PCDHA3: variants seen among roughly 807,000 people sequenced by gnomAD.
PCDHA3 encodes the protein protocadherin alpha 3.
A neutral mutation model predicts 62.2 loss-of-function variants in PCDHA3; 41 were observed. The ratio of observed to expected loss-of-function variants is 0.66; its 90% CI spans 0.51 to 0.86. The LOEUF (loss-of-function observed/expected upper bound fraction) is 0.86, where lower values mean the gene tolerates loss of function less well. Among genes scored for constraint, PCDHA3 ranks in the 40% least tolerant of loss-of-function variants. The probability of loss-of-function intolerance (pLI) is 0.00; values close to 1 mark genes in which losing one functional copy is unlikely to be tolerated. For missense variants in PCDHA3, 1,304 were observed against 1,241.2 expected (o/e 1.05, Z -0.76); for synonymous variants, 640 against 555.4 (o/e 1.15, Z -2.14).
At chr5:140,954,406 G>A (rs556455987) in intron 1 of PCDHA3, among the ~76,000 whole-genome samples, 2 of 152,268 alleles carry the variant, frequency 1.3e-5, no homozygotes, top group East Asian at 3.9e-4. Flanking sequence ...CACCAACAGG[G>A]TAAAGGTGTT....
At chr5:140,958,868 A>G (rs2095446207) in intron 1 of PCDHA3, among the ~76,000 whole-genome samples, 2 of 152,108 alleles carry the variant, frequency 1.3e-5, no homozygotes, top group Non-Finnish European at 2.9e-5. Context: ...CTGGGTTTAT[A>G]AAAGAATTGA....
At chr5:140,836,475 G>C in intron 1 of PCDHA3, 1 of 1,613,846 alleles carries the variant, frequency 6.2e-7, no homozygotes, top group Non-Finnish European at 8.5e-7. Context: ...GGATGTCAAC[G>C]TGTACCTGAT....
At chr5:140,946,903 T>A (rs2094054259) in intron 1 of PCDHA3, among the ~76,000 whole-genome samples, 1 of 151,408 alleles carries the variant, frequency 6.6e-6, no homozygotes, top group African/African-American at 2.4e-5. Flanking sequence ...ATAGGAAGAA[T>A]AAGTTCTGGT....
chr5:140,924,921 T>A (rs1167960449), intron 1 of PCDHA3, among the ~76,000 whole-genome samples: 5 of 126,218 alleles, frequency 4.0e-5, no homozygotes, highest in African/African-American at 1.5e-4. Context: ...TAAAATAAAA[T>A]AAAATAAAAT....
chr5:140,984,458 C>T (rs1363789281), intron 3 of PCDHA3, among the ~76,000 whole-genome samples: 2 of 152,140 alleles, frequency 1.3e-5, no homozygotes, highest in African/African-American at 4.8e-5. Flanking sequence ...CTTACTGTCC[C>T]AGCCCCTCTT....
chr5:140,863,124 C>T (rs1554157805), intron 1 of PCDHA3: 1 of 594,982 alleles, frequency 1.7e-6, no homozygotes, highest in Non-Finnish European at 3.3e-6. Flanking sequence ...AAGCTACGCG[C>T]CACCGCCTGC....
At chr5:140,877,654 A>T in intron 1 of PCDHA3, 1 of 1,613,490 alleles carries the variant, frequency 6.2e-7, no homozygotes, top group South Asian at 1.1e-5. Flanking sequence ...AGCGCCGCCC[A>T]CCGTGAGCCG....
chr5:140,804,920 T>G, intron 1 of PCDHA3: 1 of 979,612 alleles, frequency 1.0e-6, no homozygotes, highest in South Asian at 2.3e-5. Flanking sequence ...TATTTCCTTT[T>G]TTGGCACTAT....
At chr5:140,836,568 G>A (rs2150264277) in intron 1 of PCDHA3, 2 of 1,613,778 alleles carry the variant, frequency 1.2e-6, no homozygotes, top group Non-Finnish European at 1.7e-6. Context: ...GCCGTCCTCT[G>A]AGGGCGCATG....
At chr5:140,895,968 G>A (rs190056652) in intron 1 of PCDHA3, among the ~76,000 whole-genome samples, 2 of 151,938 alleles carry the variant, frequency 1.3e-5, no homozygotes, top group African/African-American at 2.4e-5. Context: ...CTGTCACCAG[G>A]CCTAGCTAAT....
At chr5:140,850,038 G>C (rs2150464728) in intron 1 of PCDHA3, 1 of 1,596,736 alleles carries the variant, frequency 6.3e-7, no homozygotes, top group East Asian at 2.2e-5. Flanking sequence ...CGCGGAGAGC[G>C]GCAAGGTGTA....
chr5:140,870,521 T>A (rs782364094), intron 1 of PCDHA3: 2 of 1,614,078 alleles, frequency 1.2e-6, no homozygotes, highest in Non-Finnish European at 8.5e-7. Flanking sequence ...GGCTGCCACA[T>A]CTTCACAGTG....
At chr5:140,867,409 T>C (rs1299874634) in intron 1 of PCDHA3, 1 of 152,170 alleles carries the variant, frequency 6.6e-6, no homozygotes, top group Admixed American at 6.5e-5. Context: ...ATGTCTCCTT[T>C]AATTTTTTAA....
intron 1 of PCDHA3, chr5:140,803,859 T>A: frequency 1.7e-6 from 1 of 578,220 alleles, no homozygotes. Context: ...AATGCCTGGG[T>A]ATAAGACAAA....
At chr5:140,865,235 C>A (rs982582356) in intron 1 of PCDHA3, 2 of 152,098 alleles carry the variant, frequency 1.3e-5, no homozygotes, top group African/African-American at 4.8e-5. Flanking sequence ...CCAGAGAACA[C>A]GTATTTATAG....
chr5:140,941,191 TTTTCTTTCTTCCTTTCTTTCTTCC>T (rs1293685535), intron 1 of PCDHA3, among the ~76,000 whole-genome samples: 31 of 93,206 alleles, frequency 3.3e-4, no homozygotes, highest in African/African-American at 1.1e-3. Context: ...GCTTCTTTTT[TTTTCTTTCTTCCTTTCTTTCTTCC>T]TTTCTTTCTT....
chr5:140,912,145 C>T (rs561351882), intron 1 of PCDHA3, among the ~76,000 whole-genome samples: 1 of 152,302 alleles, frequency 6.6e-6, no homozygotes, highest in African/African-American at 2.4e-5. Flanking sequence ...CCATGTTCTT[C>T]TGCCTGTTTT....
chr5:140,946,782 C>T (rs1225488337), intron 1 of PCDHA3, among the ~76,000 whole-genome samples: 1 of 151,104 alleles, frequency 6.6e-6, no homozygotes, highest in African/African-American at 2.4e-5. Flanking sequence ...TGTAAAAAAG[C>T]TGATCTTATA....
intron 1 of PCDHA3, chr5:140,836,878 A>G: frequency 1.5e-6 from 1 of 681,278 alleles, no homozygotes; most frequent in Non-Finnish European, 2.4e-6. Context: ...CTGTATTTGC[A>G]CTAATTATTT....
Sources: allele counts gnomAD v4.1 joint callset (sites outside exome capture counted in the v4.1 genomes callset), GRCh38; gene constraint gnomAD v4.1.1; transcripts MANE v1.5; gene names NCBI Gene and HGNC (gene_info 2026-07-23, HGNC 2026-07-21).